SLC8A1: variants seen among roughly 807,000 people sequenced by gnomAD.
SLC8A1 encodes sodium/calcium exchanger 1.
A neutral mutation model predicts 68.3 loss-of-function variants in SLC8A1; 18 were observed. That is an observed-to-expected ratio of 0.26 (90% CI 0.18 to 0.39). SLC8A1 has a LOEUF of 0.39. Ranked by LOEUF, SLC8A1 falls within the 10% of genes least tolerant of loss-of-function variation. The pLI is 1.00. For synonymous variants in SLC8A1, 475 were observed against 415.5 expected (o/e 1.14, Z -1.74); for missense variants, 985 against 1,156.7 (o/e 0.85, Z 2.15).
chr2:40,311,301 A>C (rs1459859976), intron 2 of SLC8A1, among the ~76,000 whole-genome samples: 1 of 152,186 alleles, frequency 6.6e-6, no homozygotes, highest in African/African-American at 2.4e-5. Flanking sequence ...TCATCATTTA[A>C]CATTCAAAGC....
At chr2:40,198,279 A>C (rs2053476436) in intron 2 of SLC8A1, among the ~76,000 whole-genome samples, 1 of 151,944 alleles carries the variant, frequency 6.6e-6, no homozygotes, top group Non-Finnish European at 1.5e-5. Context: ...CCTCAAAACA[A>C]TTGTGTTTGA....
chr2:40,147,186 A>C (rs1255182424), intron 6 of SLC8A1, among the ~76,000 whole-genome samples: 1 of 152,146 alleles, frequency 6.6e-6, no homozygotes, highest in African/African-American at 2.4e-5. Flanking sequence ...TACCAAAACA[A>C]ATCTGTTTAA....
intron 2 of SLC8A1, among the ~76,000 whole-genome samples, chr2:40,380,264 C>T (rs776236279): frequency 3.9e-5 from 6 of 152,160 alleles, no homozygotes; most frequent in Non-Finnish European, 7.3e-5. Flanking sequence ...AAGAGTCACA[C>T]TCATATATAT....
chr2:40,224,552 G>A (rs2058736115), intron 2 of SLC8A1, among the ~76,000 whole-genome samples: 1 of 152,090 alleles, frequency 6.6e-6, no homozygotes. Flanking sequence ...TACCATGGCT[G>A]TGCAGCTCCA....
chr2:40,169,824 C>A (rs949954968), intron 4 of SLC8A1, among the ~76,000 whole-genome samples: 5 of 152,118 alleles, frequency 3.3e-5, no homozygotes, highest in African/African-American at 1.2e-4. Context: ...ACCTATAGTC[C>A]TAGCTACTCA....
At chr2:40,485,348 T>C (rs1704895141) in intron 1 of SLC8A1, among the ~76,000 whole-genome samples, 2 of 152,196 alleles carry the variant, frequency 1.3e-5, no homozygotes. Flanking sequence ...ATTGGCCAGG[T>C]TTATATCTAG....
At chr2:40,325,094 C>T (rs889119472) in intron 2 of SLC8A1, among the ~76,000 whole-genome samples, 12 of 152,016 alleles carry the variant, frequency 7.9e-5, no homozygotes, top group African/African-American at 4.8e-5. Context: ...ACTTCCTCCC[C>T]ACAGACAGAG....
intron 2 of SLC8A1, among the ~76,000 whole-genome samples, chr2:40,382,357 A>G (rs1455905529): frequency 1.3e-5 from 2 of 151,438 alleles, no homozygotes; most frequent in Admixed American, 1.3e-4. Flanking sequence ...GTCTTCAGGT[A>G]CATCCAGATG....
chr2:40,313,509 A>G (rs538822575), intron 2 of SLC8A1, among the ~76,000 whole-genome samples: 2 of 152,200 alleles, frequency 1.3e-5, no homozygotes, highest in South Asian at 4.1e-4. Flanking sequence ...ACCATTTTAC[A>G]TTCCAACCAG....
At chr2:40,173,223 A>C (rs1403886247) in intron 4 of SLC8A1, among the ~76,000 whole-genome samples, 1 of 152,190 alleles carries the variant, frequency 6.6e-6, no homozygotes, top group Non-Finnish European at 1.5e-5. Flanking sequence ...GGGTGATAGA[A>C]TTAGAGTGTT....
At chr2:40,323,613 G>C (rs760590696) in intron 2 of SLC8A1, among the ~76,000 whole-genome samples, 1 of 152,036 alleles carries the variant, frequency 6.6e-6, no homozygotes, top group Non-Finnish European at 1.5e-5. Flanking sequence ...AAAATTAACA[G>C]AGTAGCACTA....
chr2:40,134,416 C>T (rs1282738365), intron 7 of SLC8A1, among the ~76,000 whole-genome samples: 2 of 151,920 alleles, frequency 1.3e-5, no homozygotes, highest in Non-Finnish European at 2.9e-5. Context: ...AAAGTACTGG[C>T]CTGAGGTCTG....
intron 2 of SLC8A1, among the ~76,000 whole-genome samples, chr2:40,236,972 T>G (rs1032309568): frequency 6.6e-6 from 1 of 152,088 alleles, no homozygotes; most frequent in Non-Finnish European, 1.5e-5. Flanking sequence ...AGAGATCCGC[T>G]GTTAGTCTGA....
At chr2:40,469,640 T>TTCCATCAAG (rs761252357) in intron 1 of SLC8A1, among the ~76,000 whole-genome samples, 12 of 152,166 alleles carry the variant, frequency 7.9e-5, no homozygotes, top group Non-Finnish European at 1.3e-4. Context: ...CAAGTTTTTG[T>TTCCATCAAG]TCCATCAAGT....
chr2:40,183,988 T>A (rs975977832), intron 2 of SLC8A1, among the ~76,000 whole-genome samples: 1 of 152,058 alleles, frequency 6.6e-6, no homozygotes, highest in Non-Finnish European at 1.5e-5. Context: ...AGACCCTGTT[T>A]CTACGAAAAA....
chr2:40,416,044 G>C (rs1693771304), intron 2 of SLC8A1, among the ~76,000 whole-genome samples: 1 of 141,708 alleles, frequency 7.1e-6, no homozygotes, highest in Admixed American at 7.2e-5. Flanking sequence ...GATTGAGCGA[G>C]GCTCTGTTTT....
intron 4 of SLC8A1, among the ~76,000 whole-genome samples, chr2:40,173,092 G>T (rs776666134): frequency 6.6e-6 from 1 of 152,108 alleles, no homozygotes; most frequent in Admixed American, 6.6e-5. Context: ...GGTGCTGTTG[G>T]ATAGTACACT....
intron 2 of SLC8A1, among the ~76,000 whole-genome samples, chr2:40,403,555 T>C (rs1023898794): frequency 3.3e-5 from 5 of 152,230 alleles, no homozygotes; most frequent in Non-Finnish European, 5.9e-5. Flanking sequence ...TAGAACCCTA[T>C]AATTCTGAAA....
chr2:40,118,343 A>G (rs971901227), intron 7 of SLC8A1: 2 of 152,220 alleles, frequency 1.3e-5, no homozygotes, highest in Non-Finnish European at 2.9e-5. Context: ...CCTTTCACTC[A>G]GAAACTTTGA....
Sources: gnomAD v4.1 joint callset for allele counts (sites outside exome capture counted in the v4.1 genomes callset) on GRCh38, gnomAD v4.1.1 for gene constraint, MANE v1.5 for transcripts, NCBI Gene and HGNC (gene_info 2026-07-23, HGNC 2026-07-21) for gene names.